Variants in IL15 observed in about 807,000 individuals in gnomAD.
The protein encoded by IL15 is interleukin-15.
In IL15, 11 loss-of-function variants were observed where a neutral mutation model predicts 19.6. That is an observed-to-expected ratio of 0.56 (90% CI 0.35 to 0.93). The LOEUF (loss-of-function observed/expected upper bound fraction) is 0.93, where lower values mean the gene tolerates loss of function less well. IL15 is among the 40% of genes least tolerant of loss of function. IL15 has a pLI of 0.01. For synonymous variants in IL15, 58 were observed against 59.6 expected (o/e 0.97, Z 0.12); for missense variants, 197 against 186.5 (o/e 1.06, Z -0.33).
intron 7 of IL15, among the ~76,000 whole-genome samples, chr4:141,730,594 G>T (rs995629756): frequency 6.6e-6 from 1 of 152,068 alleles, no homozygotes; most frequent in Non-Finnish European, 1.5e-5. Context: ...GCTTTAAAAA[G>T]ATAACAATGA....
At chr4:141,710,456 C>A (rs188364431) in intron 2 of IL15, among the ~76,000 whole-genome samples, 1 of 151,942 alleles carries the variant, frequency 6.6e-6, no homozygotes, top group Non-Finnish European at 1.5e-5. Context: ...TTAAGCATTT[C>A]GTATCATTTT....
At chr4:141,706,875 G>A (rs1340109706) in intron 2 of IL15, among the ~76,000 whole-genome samples, 1 of 152,036 alleles carries the variant, frequency 6.6e-6, no homozygotes, top group African/African-American at 2.4e-5. Context: ...ATAATCATGT[G>A]CCTCAGAAAG....
intron 2 of IL15, among the ~76,000 whole-genome samples, chr4:141,701,734 G>A (rs1729326185): frequency 1.3e-5 from 2 of 152,128 alleles, no homozygotes; most frequent in Admixed American, 1.3e-4. Context: ...TAGATGTCCT[G>A]AGGTTGTACC....
intron 2 of IL15, among the ~76,000 whole-genome samples, chr4:141,707,568 T>C (rs1453697010): frequency 2.0e-5 from 3 of 152,226 alleles, no homozygotes; most frequent in African/African-American, 7.2e-5. Context: ...TTCCTGTAGA[T>C]AAATCCTAGG....
intron 7 of IL15, 37 bp downstream of exon 7, chr4:141,730,021 T>C (rs1379070474): frequency 6.4e-7 from 1 of 1,551,274 alleles, no homozygotes; most frequent in East Asian, 2.2e-5. Flanking sequence ...TTGCATCTTA[T>C]GTTTTGGGCC....
chr4:141,722,635 A>G (rs1163489209), intron 5 of IL15, among the ~76,000 whole-genome samples: 2 of 152,186 alleles, frequency 1.3e-5, no homozygotes, highest in African/African-American at 4.8e-5. Context: ...GAAATCACCC[A>G]TTGTAACAAG....
At chr4:141,701,732 C>T (rs1194069804) in intron 2 of IL15, among the ~76,000 whole-genome samples, 1 of 152,106 alleles carries the variant, frequency 6.6e-6, no homozygotes, top group African/African-American at 2.4e-5. Flanking sequence ...ATTAGATGTC[C>T]TGAGGTTGTA....
At chr4:141,720,081 T>C (rs1482399386) in intron 3 of IL15, among the ~76,000 whole-genome samples, 1 of 152,108 alleles carries the variant, frequency 6.6e-6, no homozygotes, top group Non-Finnish European at 1.5e-5. Context: ...CTGTTAGTAA[T>C]GCATGTTATT....
chr4:141,729,937 G>A lies in IL15; in HGVS notation c.331G>A (p.Val111Ile). ...ESGDASIHDT[V>I]ENLIILANNS... ...CGGAGATGCAAGTATTCATGATACAGTAGAAAATCTGATCATCCTAGCAAA... is the reference window on the plus strand; with the variant it reads ...CGGAGATGCAAGTATTCATGATACAATAGAAAATCTGATCATCCTAGCAAA... Residue 111 changes from valine (V) to isoleucine (I), a missense_variant, in exon 7 of 8, where the codon GTA becomes ATA. Transcript: ENST00000320650. 1.2e-6 allele frequency: 2 copies of A among 1,602,206 alleles called. No homozygotes were observed. Among genetic ancestry groups the A allele is most frequent in the East Asian group, 4.5e-5 (2 of 44,798 alleles).
chr4:141,720,546 C>T lies in IL15; in HGVS notation c.90C>T (p.Gly30=). Reference sequence around the variant, plus strand: ...ACAGTCATTTTCTAACTGAAGCTGGCATTCATGTCTTCATTTTGGGGTAAT... The same window carrying T: ...ACAGTCATTTTCTAACTGAAGCTGGTATTCATGTCTTCATTTTGGGGTAAT... ...LLNSHFLTEA[G]IHVFILGCFS... The change falls in exon 4 of 8, where the codon GGC becomes GGT. Residue 30 remains glycine, a synonymous_variant. Coordinates refer to ENST00000320650, the MANE Select transcript of IL15 (RefSeq NM_000585.5). 1 of 1,563,040 alleles carries T rather than the reference C, an allele frequency of 6.4e-7. No homozygotes were observed. Among genetic ancestry groups the T allele is most frequent in the South Asian group, 1.1e-5 (1 of 89,994 alleles).
chr4:141,692,769 TACA>T (rs547583499), intron 2 of IL15, among the ~76,000 whole-genome samples: 151 of 152,180 alleles, frequency 9.9e-4, no homozygotes, highest in African/African-American at 2.6e-3. Context: ...GTCAAAATTA[TACA>T]ACAAGTCTCT....
Position 141,733,103 on chromosome 4 carries a change from G to A in IL15, c.*255G>A. The stretch of plus-strand genomic sequence containing the variant: ...TTTATTATTGAAATTGTACATATTT[G>A]TGGAATAATGTAAAATGTTGAATAA... On this transcript the variant is annotated 3_prime_UTR_variant, in exon 8 of 8. Transcript: ENST00000320650. 1 of 326,026 alleles carries A rather than the reference G, an allele frequency of 3.1e-6. No homozygotes were observed. The allele number at this position is 326,026 out of a possible 1,614,324, so 20.2% of individuals were successfully genotyped here. A position where few individuals can be genotyped will look rare whatever the true frequency, so the allele number is the denominator to read the frequency against.
At chr4:141,647,225 G>A (rs17007476) in intron 1 of IL15, among the ~76,000 whole-genome samples, 3 of 151,976 alleles carry the variant, frequency 2.0e-5, no homozygotes, top group East Asian at 1.9e-4. Flanking sequence ...AGAGAATGCC[G>A]AAGATTTTAA....
intron 2 of IL15, among the ~76,000 whole-genome samples, chr4:141,691,795 A>G (rs56761520): frequency 0.14 from 21,360 of 152,038 alleles, 1,636 homozygotes; most frequent in African/African-American, 0.18. Flanking sequence ...GGCATTCAGT[A>G]CCCATGGGTT....
chr4:141,707,156 G>A (rs1453817910), intron 2 of IL15, among the ~76,000 whole-genome samples: 1 of 151,896 alleles, frequency 6.6e-6, no homozygotes, highest in Non-Finnish European at 1.5e-5. Context: ...CTGTTTTCTA[G>A]TTCAGAAATT....
At chr4:141,639,067 T>C (rs534333604) in intron 1 of IL15, among the ~76,000 whole-genome samples, 1 of 152,352 alleles carries the variant, frequency 6.6e-6, no homozygotes, top group Non-Finnish European at 1.5e-5. Flanking sequence ...GTTCTTATTA[T>C]GTATCAGACA....
intron 2 of IL15, among the ~76,000 whole-genome samples, chr4:141,670,730 T>C (rs1259886795): frequency 6.6e-6 from 1 of 152,234 alleles, no homozygotes; most frequent in Non-Finnish European, 1.5e-5. Flanking sequence ...TACTTTCATA[T>C]ATGTAAATGC....
chr4:141,706,706 AT>A (rs74269670), intron 2 of IL15, among the ~76,000 whole-genome samples: 17,191 of 144,400 alleles, frequency 0.12, 1,032 homozygotes, highest in Non-Finnish European at 0.15. Context: ...TTCTTGGCTG[AT>A]TTTTTTTTTT....
At chr4:141,697,781 A>G (rs1249193674) in intron 2 of IL15, among the ~76,000 whole-genome samples, 2 of 151,546 alleles carry the variant, frequency 1.3e-5, no homozygotes, top group East Asian at 3.9e-4. Flanking sequence ...AAGGGGTCGA[A>G]TGACAATTCA....
Sources: allele counts gnomAD v4.1 joint callset (sites outside exome capture counted in the v4.1 genomes callset), GRCh38; gene constraint gnomAD v4.1.1; transcripts MANE v1.5; gene names NCBI Gene and HGNC (gene_info 2026-07-23, HGNC 2026-07-21).